Variants in NMBR observed in about 807,000 individuals in gnomAD.
NMBR encodes the protein neuromedin B receptor.
NMBR carries 16 observed loss-of-function variants against 20.5 expected under a neutral mutation model. That is an observed-to-expected ratio of 0.78 (90% CI 0.53 to 1.19). NMBR has a LOEUF of 1.19. Ranked by LOEUF, NMBR falls within the 50% of genes most tolerant of loss-of-function variation. NMBR has a pLI of 0.00. For missense variants in NMBR, 582 were observed against 499.1 expected, an observed-to-expected ratio of 1.17 and a Z score of -1.58; for synonymous variants, 212 against 196.6, an observed-to-expected ratio of 1.08 and a Z score of -0.65.
At chr6:142,128,156 C>A (rs186045543) in intron 1 of NMBR, among the ~76,000 whole-genome samples, 11 of 152,108 alleles carry the variant, frequency 7.2e-5, no homozygotes, top group Admixed American at 7.2e-4. Flanking sequence ...CAGCTCCCCA[C>A]GCTTTCTCTC....
At chr6:142,114,334 G>T (rs2114592367) in intron 1 of NMBR, among the ~76,000 whole-genome samples, 1 of 151,910 alleles carries the variant, frequency 6.6e-6, no homozygotes, top group East Asian at 1.9e-4. Context: ...TAACTAGGTG[G>T]TTTTGACATT....
chr6:142,128,339 A>G (rs1778075473), intron 1 of NMBR, among the ~76,000 whole-genome samples: 1 of 152,070 alleles, frequency 6.6e-6, no homozygotes, highest in Admixed American at 6.6e-5. Flanking sequence ...ATAGCAATGC[A>G]TGAACAGGCT....
intron 1 of NMBR, among the ~76,000 whole-genome samples, chr6:142,113,671 A>T (rs1446761165): frequency 6.6e-6 from 1 of 152,186 alleles, no homozygotes; most frequent in Non-Finnish European, 1.5e-5. Flanking sequence ...AGCTTTCAAG[A>T]ATCAAATGAT....
chr6:142,095,111 G>C (rs1194507986), intron 1 of NMBR, among the ~76,000 whole-genome samples: 1 of 152,026 alleles, frequency 6.6e-6, no homozygotes, highest in Non-Finnish European at 1.5e-5. Context: ...GGGACAATTT[G>C]ACTTCCTCTT....
Position 142,088,779 on chromosome 6 carries a change from G to A in NMBR, c.-121C>T. ...TCTCGCCCCTGCAAGTTTACTGTCCGCGGGGCAAGCCTCACAGCACCACGT... is the reference window on the plus strand; with the variant it reads ...TCTCGCCCCTGCAAGTTTACTGTCCACGGGGCAAGCCTCACAGCACCACGT... On this transcript the variant is annotated 5_prime_UTR_variant, in exon 2 of 4. Transcript: ENST00000258042. 1 of 887,740 alleles carries A rather than the reference G, an allele frequency of 1.1e-6. No individual in the cohort carries two copies. Among genetic ancestry groups the A allele is most frequent in the Non-Finnish European group, 1.7e-6 (1 of 593,334 alleles). 55.0% of individuals were successfully genotyped at this position (887,740 alleles called of 1,614,324 possible). A position where few individuals can be genotyped will look rare whatever the true frequency, so the allele number is the denominator to read the frequency against.
intron 1 of NMBR, among the ~76,000 whole-genome samples, chr6:142,109,417 G>T (rs1038640342): frequency 6.7e-5 from 10 of 149,884 alleles, no homozygotes; most frequent in East Asian, 2.0e-4. Flanking sequence ...ATTGGAAAGA[G>T]AAAGAAATAC....
At chr6:142,097,240 G>C (rs143566266) in intron 1 of NMBR, among the ~76,000 whole-genome samples, 1 of 152,044 alleles carries the variant, frequency 6.6e-6, no homozygotes, top group African/African-American at 2.4e-5. Flanking sequence ...GATTTTGCTC[G>C]TTAGTTGATG....
chr6:142,145,789 C>T (rs767580798), intron 1 of NMBR, among the ~76,000 whole-genome samples: 3 of 152,216 alleles, frequency 2.0e-5, no homozygotes, highest in African/African-American at 4.8e-5. Flanking sequence ...TAACCCTAGA[C>T]GTAACATTAA....
intron 1 of NMBR, among the ~76,000 whole-genome samples, chr6:142,092,015 C>G (rs1337401564): frequency 2.6e-5 from 4 of 151,972 alleles, no homozygotes; most frequent in Admixed American, 6.6e-5. Flanking sequence ...ATATAAAATA[C>G]TATACTTATG....
intron 1 of NMBR, among the ~76,000 whole-genome samples, chr6:142,106,261 G>C (rs151132633): frequency 6.6e-6 from 1 of 152,298 alleles, no homozygotes; most frequent in African/African-American, 2.4e-5. Context: ...AAAACAGGGA[G>C]AGCAGGGAAG....
At chr6:142,086,021 CTTTTTT>C (rs201667912) in intron 2 of NMBR, among the ~76,000 whole-genome samples, 52 of 114,986 alleles carry the variant, frequency 4.5e-4, no homozygotes, top group Non-Finnish European at 8.1e-4. Flanking sequence ...CTCCTGTACT[CTTTTTT>C]TTTTTTTTTA....
chr6:142,086,736 C>T (rs1777207659), intron 2 of NMBR, among the ~76,000 whole-genome samples: 1 of 151,958 alleles, frequency 6.6e-6, no homozygotes, highest in Admixed American at 6.6e-5. Context: ...CTGATCTAGG[C>T]CAGGGCAAAT....
chr6:142,087,473 A>G (rs1408446544), intron 2 of NMBR, among the ~76,000 whole-genome samples: 6 of 152,188 alleles, frequency 3.9e-5, no homozygotes, highest in African/African-American at 1.2e-4. Flanking sequence ...CTGGTCTTCC[A>G]TTAGAAATTA....
intron 1 of NMBR, among the ~76,000 whole-genome samples, chr6:142,120,084 T>C (rs1582855959): frequency 6.6e-6 from 1 of 151,946 alleles, no homozygotes; most frequent in African/African-American, 2.4e-5. Flanking sequence ...ATCTTAACTC[T>C]TAAGAACATT....
chr6:142,138,416 T>TA (rs1425793492), intron 1 of NMBR, among the ~76,000 whole-genome samples: 1 of 152,146 alleles, frequency 6.6e-6, no homozygotes, highest in African/African-American at 2.4e-5. Context: ...AAGTACTGCA[T>TA]TAAAAAATTC....
intron 1 of NMBR, among the ~76,000 whole-genome samples, chr6:142,097,410 G>A (rs902337228): frequency 3.3e-5 from 5 of 151,908 alleles, no homozygotes; most frequent in Non-Finnish European, 5.9e-5. Context: ...CTCAGTAAAC[G>A]CATCATAAGT....
At chr6:142,076,655 T>C (rs543409814) in intron 3 of NMBR, among the ~76,000 whole-genome samples, 12 of 152,332 alleles carry the variant, frequency 7.9e-5, no homozygotes, top group Non-Finnish European at 1.5e-4. Context: ...ATTTACATAT[T>C]ATGTTTACTG....
chr6:142,088,848 G>A lies in NMBR; in HGVS notation c.-190C>T, dbSNP rs1582840767. 4 of 537,042 alleles carry A rather than the reference G, an allele frequency of 7.4e-6. No homozygotes were observed. The highest frequency in any genetic ancestry group is 4.8e-4 in the Middle Eastern group (1 of 2,070). 33.3% of individuals were successfully genotyped at this position (537,042 alleles called of 1,614,324 possible). On this transcript the variant is annotated 5_prime_UTR_variant, in exon 2 of 4. Transcript: ENST00000258042. ...TGGGGAGGGGTCTGTCCACACACTCGGGCGCTCCGCTTCTAGAGGGGGGAA... is the reference window on the plus strand; with the variant it reads ...TGGGGAGGGGTCTGTCCACACACTCAGGCGCTCCGCTTCTAGAGGGGGGAA...
intron 1 of NMBR, among the ~76,000 whole-genome samples, chr6:142,094,388 C>A (rs987974199): frequency 2.0e-5 from 3 of 152,170 alleles, no homozygotes; most frequent in Non-Finnish European, 4.4e-5. Flanking sequence ...GTTTTCCCAG[C>A]ACCATTTATT....
Sources: gnomAD v4.1 joint callset for allele counts (sites outside exome capture counted in the v4.1 genomes callset) on GRCh38, gnomAD v4.1.1 for gene constraint, MANE v1.5 for transcripts, NCBI Gene and HGNC (gene_info 2026-07-23, HGNC 2026-07-21) for gene names.